The following COMMD1 variants were observed in gnomAD, a reference collection of about 807,000 sequenced individuals.
The protein encoded by COMMD1 is COMM domain-containing protein 1.
COMMD1 carries 10 observed loss-of-function variants against 17.2 expected under a neutral mutation model. The ratio of observed to expected loss-of-function variants is 0.58; its 90% CI spans 0.36 to 0.99. The LOEUF (loss-of-function observed/expected upper bound fraction) is 0.99. COMMD1 is among the 50% of genes least tolerant of loss of function. The pLI is 0.01. For missense variants in COMMD1, 270 were observed against 231.8 expected (o/e 1.17, Z -1.07); for synonymous variants, 97 against 91.6 (o/e 1.06, Z -0.34).
At chr2:62,054,919 G>A (rs747569778) in intron 2 of COMMD1, among the ~76,000 whole-genome samples, 1 of 152,212 alleles carries the variant, frequency 6.6e-6, no homozygotes, top group Non-Finnish European at 1.5e-5. Context: ...AACTGTGCAT[G>A]CAAGGGATCT....
intron 1 of COMMD1, among the ~76,000 whole-genome samples, chr2:61,896,161 G>T (rs1377107736): frequency 6.6e-6 from 1 of 152,206 alleles, no homozygotes; most frequent in African/African-American, 2.4e-5. Flanking sequence ...AAAGGAAACT[G>T]CTATGGTTTG....
intron 1 of COMMD1, among the ~76,000 whole-genome samples, chr2:61,993,961 A>ATTCCTTCC (rs1031621409): frequency 6.6e-6 from 1 of 151,932 alleles, no homozygotes; most frequent in Admixed American, 6.6e-5. Context: ...ATACAAAATA[A>ATTCCTTCC]TTCCTTCCTT....
At chr2:62,060,698 C>T (rs962285051) in intron 2 of COMMD1, among the ~76,000 whole-genome samples, 6 of 152,116 alleles carry the variant, frequency 3.9e-5, no homozygotes, top group African/African-American at 1.4e-4. Flanking sequence ...TTTCACTTAT[C>T]TGAAAATCTT....
At chr2:61,966,884 A>G (rs1671518356) in intron 1 of COMMD1, among the ~76,000 whole-genome samples, 1 of 152,100 alleles carries the variant, frequency 6.6e-6, no homozygotes, top group South Asian at 2.1e-4. Context: ...CTATTTATCT[A>G]AGAAGACCCG....
At chr2:61,905,655 T>C, upstream of COMMD1, 1 of 1,525,836 alleles carries the variant, frequency 6.6e-7, no homozygotes, top group African/African-American at 1.4e-5. Context: ...GCTCAGCTGT[T>C]GCGGGGCGGG....
chr2:62,095,807 C>CATAT lies in COMMD1; in HGVS notation c.463-40013_463-40010dup, dbSNP rs143205759. 1.9e-4 allele frequency among the ~76,000 whole-genome samples: 13 copies of CATAT among 67,936 alleles called. 2 individuals are homozygous for CATAT. Among genetic ancestry groups the CATAT allele is most frequent in the African/African-American group, 5.2e-4 (6 of 11,480 alleles). 44.6% of individuals were successfully genotyped at this position (67,936 alleles called of 152,430 possible). A position where few individuals can be genotyped will look rare whatever the true frequency, so the allele number is the denominator to read the frequency against. On this transcript the variant is annotated intron_variant, in intron 2 of 2. Coordinates refer to ENST00000311832, the MANE Select transcript of COMMD1 (RefSeq NM_152516.4). Reference sequence around the variant, plus strand: ...TTGTGTAGTCAAGTTTCACAGCATGCATATATATATATATGCATATCAGGG... The same window carrying CATAT: ...TTGTGTAGTCAAGTTTCACAGCATGCATATATATATATATATATGCATATCAGGG...
At chr2:61,943,694 G>T (rs1210414267) in intron 1 of COMMD1, among the ~76,000 whole-genome samples, 1 of 152,126 alleles carries the variant, frequency 6.6e-6, no homozygotes, top group Non-Finnish European at 1.5e-5. Flanking sequence ...AATCAGCCGG[G>T]TGTGGTGGCA....
chr2:62,057,437 A>G (rs528345899), intron 2 of COMMD1, among the ~76,000 whole-genome samples: 1 of 152,258 alleles, frequency 6.6e-6, no homozygotes, highest in Admixed American at 6.5e-5. Context: ...TGATATATTA[A>G]TGGATTTGAT....
rs1273675426 is a variant in COMMD1 at position 61,981,933 on chromosome 2, TTTG to T, written c.181-18765_181-18763del. Among the ~76,000 whole-genome samples the T allele has an allele frequency of 9.9e-5, 15 of 152,256 alleles. No individual in the cohort carries two copies. In the South Asian group the frequency reaches 1.5e-3, roughly 15 times the overall value. The stretch of plus-strand genomic sequence containing the variant: ...AGTCAGGTAATGTGATTCCACCAGT[TTTG>T]TTCTTTTTGCTCAGGATAGCTTTGG... On this transcript the variant is annotated intron_variant, in intron 1 of 2. Coordinates refer to ENST00000311832, the MANE Select transcript of COMMD1 (RefSeq NM_152516.4).
At chr2:61,914,876 G>T (rs1013360309) in intron 1 of COMMD1, among the ~76,000 whole-genome samples, 1 of 151,552 alleles carries the variant, frequency 6.6e-6, no homozygotes, top group African/African-American at 2.4e-5. Flanking sequence ...CTTTTGTTGA[G>T]ACAGGGTTTC....
intron 2 of COMMD1, among the ~76,000 whole-genome samples, chr2:62,056,031 A>G (rs1421884695): frequency 6.6e-6 from 1 of 152,238 alleles, no homozygotes; most frequent in East Asian, 1.9e-4. Flanking sequence ...CAAGTCTTTG[A>G]ATGATTACAT....
chr2:62,087,607 A>G (rs182631653), intron 2 of COMMD1, among the ~76,000 whole-genome samples: 1 of 152,246 alleles, frequency 6.6e-6, no homozygotes, highest in East Asian at 1.9e-4. Flanking sequence ...TTAGTCAGGC[A>G]TGGGTGGCAG....
intron 2 of COMMD1, chr2:62,084,744 C>A (rs1192985891): frequency 6.6e-6 from 1 of 152,120 alleles, no homozygotes; most frequent in Admixed American, 6.5e-5. Flanking sequence ...TAGTAGTATT[C>A]TTTTAAATGC....
chr2:62,069,173 G>A (rs533238129), intron 2 of COMMD1, among the ~76,000 whole-genome samples: 24 of 148,404 alleles, frequency 1.6e-4, no homozygotes, highest in African/African-American at 5.7e-4. Flanking sequence ...CTTTTTTTTT[G>A]TTTTGTAGAG....
At chr2:61,946,870 C>CA (rs1269389502) in intron 1 of COMMD1, among the ~76,000 whole-genome samples, 1 of 152,108 alleles carries the variant, frequency 6.6e-6, no homozygotes, top group Non-Finnish European at 1.5e-5. Context: ...TAAACAACTA[C>CA]AAAAACATAT....
At chr2:62,034,741 A>G (rs1490720103) in intron 2 of COMMD1, among the ~76,000 whole-genome samples, 4 of 152,136 alleles carry the variant, frequency 2.6e-5, no homozygotes, top group South Asian at 4.1e-4. Flanking sequence ...GGTTTTCTCA[A>G]TGTACAAAAT....
At chr2:62,005,285 T>G (rs2103816248) in intron 2 of COMMD1, among the ~76,000 whole-genome samples, 1 of 152,362 alleles carries the variant, frequency 6.6e-6, no homozygotes, top group South Asian at 2.1e-4. Context: ...GTTGGCATAT[T>G]GCTTGTACTT....
chr2:62,086,131 A>G (rs1044822450), intron 2 of COMMD1, among the ~76,000 whole-genome samples: 3 of 152,100 alleles, frequency 2.0e-5, no homozygotes, highest in African/African-American at 7.2e-5. Context: ...GCAGTGAGCC[A>G]TGATCACACT....
chr2:62,009,026 C>T (rs900002374), intron 2 of COMMD1, among the ~76,000 whole-genome samples: 43 of 152,044 alleles, frequency 2.8e-4, no homozygotes, highest in Non-Finnish European at 5.6e-4. Flanking sequence ...TCAAGTGATA[C>T]GCCCACCTCG....
Sources: gnomAD v4.1 joint callset for allele counts (sites outside exome capture counted in the v4.1 genomes callset) on GRCh38, gnomAD v4.1.1 for gene constraint, MANE v1.5 for transcripts, NCBI Gene and HGNC (gene_info 2026-07-23, HGNC 2026-07-21) for gene names.